The following HS3ST4 variants were observed in gnomAD, a reference collection of about 807,000 sequenced individuals.
HS3ST4 encodes heparan sulfate-glucosamine 3-sulfotransferase 4.
HS3ST4 carries 17 observed loss-of-function variants against 29.2 expected under a neutral mutation model. That is an observed-to-expected ratio of 0.58 (90% CI 0.40 to 0.87). HS3ST4 has a LOEUF of 0.87. HS3ST4 is among the 40% of genes least tolerant of loss of function. The probability of loss-of-function intolerance (pLI) is 0.00; values close to 1 mark genes in which losing one functional copy is unlikely to be tolerated. For missense variants in HS3ST4, 627 were observed against 634.5 expected (o/e 0.99, Z 0.13); for synonymous variants, 314 against 285.7 (o/e 1.10, Z -1.00).
intron 1 of HS3ST4, among the ~76,000 whole-genome samples, chr16:25,708,134 G>A (rs1205266271): frequency 1.3e-5 from 2 of 152,176 alleles, no homozygotes; most frequent in Non-Finnish European, 2.9e-5. Flanking sequence ...TTTAAAAGAT[G>A]TTTATGTAAC....
intron 1 of HS3ST4, among the ~76,000 whole-genome samples, chr16:25,965,400 A>G (rs1430376949): frequency 2.5e-4 from 2 of 7,908 alleles, no homozygotes; most frequent in African/African-American, 4.2e-3. Flanking sequence ...ATTTCTTGTC[A>G]AAAAAAAAAA....
At chr16:25,803,341 C>A (rs1339600323) in intron 1 of HS3ST4, among the ~76,000 whole-genome samples, 1 of 152,108 alleles carries the variant, frequency 6.6e-6, no homozygotes, top group Non-Finnish European at 1.5e-5. Flanking sequence ...TTGCTCTTGA[C>A]TTTAGTGAGA....
intron 1 of HS3ST4, among the ~76,000 whole-genome samples, chr16:25,905,148 G>A (rs577568137): frequency 1.3e-5 from 2 of 152,198 alleles, no homozygotes; most frequent in African/African-American, 4.8e-5. Context: ...TCCTCTCTAT[G>A]AGGAGCTGGG....
At chr16:25,728,225 C>T (rs1163466340) in intron 1 of HS3ST4, among the ~76,000 whole-genome samples, 1 of 152,162 alleles carries the variant, frequency 6.6e-6, no homozygotes, top group African/African-American at 2.4e-5. Context: ...TGGTCTCGAT[C>T]TCCTGACCTC....
chr16:25,876,518 T>C (rs1386864731), intron 1 of HS3ST4, among the ~76,000 whole-genome samples: 1 of 152,144 alleles, frequency 6.6e-6, no homozygotes, highest in Non-Finnish European at 1.5e-5. Flanking sequence ...CTTACAGCAC[T>C]GAATTCAGTG....
At chr16:26,004,696 C>G (rs1439831331) in intron 1 of HS3ST4, among the ~76,000 whole-genome samples, 1 of 152,154 alleles carries the variant, frequency 6.6e-6, no homozygotes, top group Non-Finnish European at 1.5e-5. Flanking sequence ...GGCTCAGTTT[C>G]CAACTGGGGA....
At chr16:25,893,084 C>T (rs753611313) in intron 1 of HS3ST4, among the ~76,000 whole-genome samples, 11 of 152,018 alleles carry the variant, frequency 7.2e-5, no homozygotes, top group South Asian at 2.1e-4. Context: ...GGCAGCCCAC[C>T]GTGTGTGGAT....
intron 1 of HS3ST4, among the ~76,000 whole-genome samples, chr16:25,953,405 G>C (rs111748311): frequency 0.068 from 10,384 of 152,242 alleles, 487 homozygotes; most frequent in Non-Finnish European, 0.092. Flanking sequence ...GTACTAGAAA[G>C]CCTGACCTCA....
At chr16:25,941,173 T>A (rs1406391372) in intron 1 of HS3ST4, among the ~76,000 whole-genome samples, 3 of 152,156 alleles carry the variant, frequency 2.0e-5, no homozygotes, top group South Asian at 2.1e-4. Flanking sequence ...TTTGTTAGTT[T>A]GTTTGTTTTG....
At chr16:25,975,305 G>A (rs532503990) in intron 1 of HS3ST4, among the ~76,000 whole-genome samples, 7 of 150,214 alleles carry the variant, frequency 4.7e-5, no homozygotes, top group African/African-American at 1.7e-4. Flanking sequence ...GGAAGGGAGG[G>A]AGGGAGGGGG....
rs184737199 is a variant in HS3ST4, at chr16:25,910,457, A to G, written c.734+217306A>G. On this transcript the variant is annotated intron_variant, in intron 1 of 1. Coordinates refer to ENST00000331351, the MANE Select transcript of HS3ST4 (RefSeq NM_006040.3). ...GGAGTTTGAGACCAACCTGGCCAATATGGTGAAACCCTGTCTCTACTAAAA... is the reference window on the plus strand; with the variant it reads ...GGAGTTTGAGACCAACCTGGCCAATGTGGTGAAACCCTGTCTCTACTAAAA... 5.9e-4 allele frequency among the ~76,000 whole-genome samples: 90 copies of G among 152,194 alleles called. 1 individual carries two copies. The East Asian group carries it at 0.016, about 26-fold the overall frequency.
chr16:25,975,196 G>A (rs1488330390), intron 1 of HS3ST4, among the ~76,000 whole-genome samples: 1 of 150,760 alleles, frequency 6.6e-6, no homozygotes, highest in East Asian at 2.0e-4. Context: ...AGAAACAGAA[G>A]ATCAAATACA....
chr16:25,943,338 G>A (rs1968592751), intron 1 of HS3ST4, among the ~76,000 whole-genome samples: 1 of 152,156 alleles, frequency 6.6e-6, no homozygotes, highest in South Asian at 2.1e-4. Context: ...GCAACATGAG[G>A]TGCTGTTTAT....
At chr16:25,982,803 C>T (rs1442727207) in intron 1 of HS3ST4, among the ~76,000 whole-genome samples, 1 of 152,180 alleles carries the variant, frequency 6.6e-6, no homozygotes, top group Non-Finnish European at 1.5e-5. Context: ...GCACTCCAGC[C>T]AGGGCCACAG....
chr16:25,999,792 TTA>T (rs1241355459), intron 1 of HS3ST4, among the ~76,000 whole-genome samples: 2 of 136,638 alleles, frequency 1.5e-5, no homozygotes, highest in Admixed American at 8.1e-5. Flanking sequence ...TATATATATT[TTA>T]TATATATTAT....
At chr16:25,817,055 TTCAAACCATA>T (rs1322382327) in intron 1 of HS3ST4, among the ~76,000 whole-genome samples, 2 of 152,200 alleles carry the variant, frequency 1.3e-5, no homozygotes, top group African/African-American at 2.4e-5. Context: ...GGGACAAAAA[TTCAAACCATA>T]GCAAGCTGCA....
chr16:25,815,847 C>A (rs145607131), intron 1 of HS3ST4, among the ~76,000 whole-genome samples: 1 of 152,140 alleles, frequency 6.6e-6, no homozygotes, highest in African/African-American at 2.4e-5. Flanking sequence ...TCCAGCCTCA[C>A]GAAACTTTCC....
intron 1 of HS3ST4, among the ~76,000 whole-genome samples, chr16:26,018,723 C>T (rs1969383535): frequency 6.6e-6 from 1 of 152,026 alleles, no homozygotes; most frequent in Non-Finnish European, 1.5e-5. Context: ...CAAATTGGGT[C>T]CTCACAACAT....
intron 1 of HS3ST4, among the ~76,000 whole-genome samples, chr16:25,904,387 C>T (rs1227432179): frequency 6.6e-6 from 1 of 152,226 alleles, no homozygotes; most frequent in Non-Finnish European, 1.5e-5. Context: ...CCATATCCTT[C>T]ATCTTGGTGT....
Sources: gnomAD v4.1 joint callset for allele counts (sites outside exome capture counted in the v4.1 genomes callset) on GRCh38, gnomAD v4.1.1 for gene constraint, MANE v1.5 for transcripts, NCBI Gene and HGNC (gene_info 2026-07-23, HGNC 2026-07-21) for gene names.